The following MYO9B variants were observed in gnomAD, a reference collection of about 807,000 sequenced individuals.
MYO9B encodes the protein unconventional myosin-IXb.
In MYO9B, 71 loss-of-function variants were observed where a neutral mutation model predicts 229.5. That is an observed-to-expected ratio of 0.31 (90% CI 0.26 to 0.38). The LOEUF (loss-of-function observed/expected upper bound fraction) is 0.38. Ranked by LOEUF, MYO9B falls within the 10% of genes least tolerant of loss-of-function variation. MYO9B has a pLI of 1.00. For synonymous variants in MYO9B, 1,185 were observed against 1,235.8 expected (o/e 0.96, Z 0.86); for missense variants, 2,255 against 2,920.5 (o/e 0.77, Z 5.25).
In MYO9B at chr19:17,194,751, G is replaced by T. The variant is rs1206830517; in HGVS notation, c.3324G>T (p.Arg1108Ser). Residue 1108 changes from arginine to serine, a missense_variant, in exon 22 of 40, where the codon AGG becomes AGT. Arg to Ser is a moderately radical substitution (Grantham distance 110). Around this residue, in one of 7 missense-constraint regions of MYO9B, gnomAD observed 679 missense variants for 770.2 expected, o/e 0.88. Coordinates refer to ENST00000682292, the MANE Select transcript of MYO9B (RefSeq NM_004145.4). The part of the protein sequence containing the change: ...ASEPEVQPSD[R>S]SPLEHSSPEK... ...AGCCTGAGGTGCAGCCAAGTGACAG[G>T]TCCCCCCTAGAGCACTCCTCACCTG... 1.9e-6 allele frequency: 3 copies of T among 1,613,012 alleles called. No homozygotes were observed. Among genetic ancestry groups the T allele is most frequent in the Non-Finnish European group, 2.5e-6 (3 of 1,179,878 alleles).
chr19:17,211,629 C>G lies in MYO9B; in HGVS notation c.5931-18C>G. On this transcript the variant is annotated intron_variant, in intron 38 of 39. Transcript: ENST00000682292. ...TCCGGTGGGGTGGCCTTGGACACCA[C>G]TACCCTTTTTCCTCCAGGGAGGACA... 6.3e-7 allele frequency: 1 copy of G among 1,585,722 alleles called. No homozygotes were observed. Among genetic ancestry groups the G allele is most frequent in the Non-Finnish European group, 8.6e-7 (1 of 1,165,864 alleles).
chr19:17,207,823 C>A (rs894356246), intron 35 of MYO9B: 5 of 152,040 alleles, frequency 3.3e-5, no homozygotes, highest in African/African-American at 1.2e-4. Context: ...CGAGCCTGAC[C>A]AACATGGAGA....
In MYO9B at chr19:17,152,874, C is replaced by T. The variant is rs1024380195; in HGVS notation, c.998+168C>T. The T allele has an allele frequency of 4.9e-6, 3 of 608,042 alleles. No individual in the cohort carries two copies. In the Admixed American group the frequency reaches 9.2e-5, roughly 19 times the overall value. 37.7% of individuals were successfully genotyped at this position (608,042 alleles called of 1,614,324 possible). ...CCCATCCATCTTCTCCCCAGACCTG[C>T]CCCTGTGGCCTCACACTTTGTCCTC... On this transcript the variant is annotated intron_variant, in intron 4 of 39. Coordinates refer to ENST00000682292, the MANE Select transcript of MYO9B (RefSeq NM_004145.4).
chr19:17,172,874 G>T lies in MYO9B; in HGVS notation c.2051G>T (p.Arg684Leu). 6.2e-7 allele frequency: 1 copy of T among 1,606,064 alleles called. No homozygotes were observed. The highest frequency in any genetic ancestry group is 8.5e-7 in the Non-Finnish European group (1 of 1,179,762). The change falls in exon 13 of 40, where the codon CGC (arginine) becomes CTC (leucine). Residue 684 changes from arginine to leucine, a missense_variant. Arg to Leu is a moderately radical substitution (Grantham distance 102). This residue lies in a region of MYO9B where 220 missense variants were observed against 404.5 expected (regional missense o/e 0.54). Transcript: ENST00000682292. This position sits in a 1 kb window ranked among gnomAD's most constrained non-coding sequence, Gnocchi z 8.2. ...LIGMDPVAVF[R>L]WAVLRAAIRA... ...GGCATGGACCCCGTGGCCGTGTTCCGCTGGGCCGTGCTCCGGGCTGCTATC... is the reference window on the plus strand; with the variant it reads ...GGCATGGACCCCGTGGCCGTGTTCCTCTGGGCCGTGCTCCGGGCTGCTATC...
At chr19:17,190,088 C>T (rs1448271049) in intron 19 of MYO9B, among the ~76,000 whole-genome samples, 2 of 149,544 alleles carry the variant, frequency 1.3e-5, no homozygotes, top group Non-Finnish European at 3.0e-5. Context: ...AAAAAGATTA[C>T]AGACTGTTGA....
intron 35 of MYO9B, among the ~76,000 whole-genome samples, chr19:17,208,861 A>G (rs908193244): frequency 1.1e-4 from 16 of 151,600 alleles, no homozygotes; most frequent in African/African-American, 3.9e-4. Flanking sequence ...TGACCACTCC[A>G]GACTGAGTCC....
rs989746910 is a variant in MYO9B at position 17,180,999 on chromosome 19, C to G, written c.2292C>G (p.Leu764=). ...AGGGCGAGGACCCCCGTAGCCTTCT[C>G]CAGTCCCTCAGTCGGCTCCAGAAAC... ...PWQGEDPRSL[L]QSLSRLQKPR... is the part of the protein sequence containing the mutation. Residue 764 remains leucine (L), a synonymous_variant, in exon 15 of 40, where the codon CTC becomes CTG. Coordinates refer to ENST00000682292, the MANE Select transcript of MYO9B (RefSeq NM_004145.4). 6.3e-5 allele frequency: 101 copies of G among 1,611,102 alleles called. No homozygotes were observed. Among genetic ancestry groups the G allele is most frequent in the Non-Finnish European group, 8.5e-5 (100 of 1,178,814 alleles).
rs984280592 is a variant in MYO9B at position 17,158,372 on chromosome 19, G to A, written c.1330-1023G>A. ...GGATCGTCTGAGGTCAGGAGTTTGA[G>A]ACCAGTTCGAGAACTTCAGGCCCCA... is the stretch of plus-strand genomic sequence containing the variant. On this transcript the variant is annotated intron_variant, in intron 7 of 39. Coordinates refer to ENST00000682292, the MANE Select transcript of MYO9B (RefSeq NM_004145.4). Among the ~76,000 whole-genome samples, 4 of 152,028 alleles carry A rather than the reference G, an allele frequency of 2.6e-5. No individual in the cohort carries two copies. The South Asian group carries it at 8.3e-4, about 32-fold the overall frequency.
intron 28 of MYO9B, 43 bp downstream of exon 28, chr19:17,202,346 C>G: frequency 6.6e-7 from 1 of 1,510,784 alleles, no homozygotes; most frequent in Non-Finnish European, 8.9e-7. Context: ...ACATGCCACG[C>G]CTACCCATGC....
intron 11 of MYO9B, among the ~76,000 whole-genome samples, chr19:17,170,875 C>T (rs945930976): frequency 1.4e-4 from 21 of 148,832 alleles, no homozygotes; most frequent in African/African-American, 5.2e-4. Context: ...GGAGGAGCTA[C>T]GTCATCACAA....
At chr19:17,128,689 G>T (rs1277817550) in intron 2 of MYO9B, among the ~76,000 whole-genome samples, 1 of 152,244 alleles carries the variant, frequency 6.6e-6, no homozygotes, top group African/African-American at 2.4e-5. Context: ...CCCCAGGTGG[G>T]CGTCACCTAC....
Position 17,152,661 on chromosome 19 carries a change from A to G in MYO9B, c.953A>G (p.Tyr318Cys). 6.2e-7 allele frequency: 1 copy of G among 1,613,356 alleles called. No homozygotes were observed. Among genetic ancestry groups the G allele is most frequent in the Non-Finnish European group, 8.5e-7 (1 of 1,179,612 alleles). Residue 318 changes from tyrosine to cysteine, a missense_variant, in exon 4 of 40, where the codon TAT becomes TGT. Coordinates refer to ENST00000682292, the MANE Select transcript of MYO9B (RefSeq NM_004145.4). The stretch of plus-strand genomic sequence containing the variant: ...AATGACAGAGCTGTCGTCGAGAAAT[A>G]TCTGCTTGAAAAGTCTCGCCTGGTG... ...GIVRGAVVEK[Y>C]LLEKSRLVSQ...
At position 17,206,740 on chromosome 19, in the gene MYO9B, A is replaced by G; in HGVS notation, c.5448A>G (p.Glu1816=). ...ATGCCGTCCTGGAGCACCTTCCAGA[A>G]GCCAACCACAACTCCCTGGAGAGAC... ...AIYAVLEHLP[E]ANHNSLERLI... Residue 1816 remains glutamate (E), a synonymous_variant, in exon 34 of 40, where the codon GAA becomes GAG. Transcript: ENST00000682292. 6.3e-7 allele frequency: 1 copy of G among 1,592,370 alleles called. No individual in the cohort carries two copies. Among genetic ancestry groups the G allele is most frequent in the South Asian group, 1.1e-5 (1 of 87,132 alleles).
intron 2 of MYO9B, among the ~76,000 whole-genome samples, chr19:17,132,178 C>CTTTTTT (rs60927116): frequency 6.0e-4 from 47 of 78,438 alleles, no homozygotes; most frequent in African/African-American, 9.0e-4. Flanking sequence ...TATTTTATTT[C>CTTTTTT]TTTTTTTTTT....
chr19:17,118,309 A>G (rs766540208), intron 2 of MYO9B, among the ~76,000 whole-genome samples: 4 of 151,814 alleles, frequency 2.6e-5, no homozygotes, highest in African/African-American at 9.7e-5. Context: ...AGAAGCCACC[A>G]CCTAGATGGA....
At chr19:17,178,542 C>T (rs965975904) in intron 14 of MYO9B, 1 of 150,134 alleles carries the variant, frequency 6.7e-6, no homozygotes, top group African/African-American at 2.5e-5. Context: ...CTGTCAAAAA[C>T]ATTTGTCATT....
Position 17,172,521 on chromosome 19 carries a change from C to T in MYO9B, c.1935+44C>T. ...CCACTGGTGGAAGCCTGAGGGAAGC[C>T]ACAGTCAGCCCAGAAGCCCATGTGG... On this transcript the variant is annotated intron_variant, in intron 12 of 39. Coordinates refer to ENST00000682292, the MANE Select transcript of MYO9B (RefSeq NM_004145.4). This position sits in a 1 kb window ranked among gnomAD's most constrained non-coding sequence, Gnocchi z 8.2. 6.2e-7 allele frequency: 1 copy of T among 1,606,112 alleles called. No individual in the cohort carries two copies. The highest frequency in any genetic ancestry group is 8.5e-7 in the Non-Finnish European group (1 of 1,176,426).
chr19:17,167,004 C>T (rs2072666743), intron 10 of MYO9B, among the ~76,000 whole-genome samples: 1 of 151,872 alleles, frequency 6.6e-6, no homozygotes, highest in Non-Finnish European at 1.5e-5. Flanking sequence ...TAAATATGTT[C>T]CTACAGTGTG....
At chr19:17,191,715 C>T (rs748916986) in intron 20 of MYO9B, among the ~76,000 whole-genome samples, 11 of 152,146 alleles carry the variant, frequency 7.2e-5, no homozygotes, top group Non-Finnish European at 1.0e-4. Flanking sequence ...GTGGCATGCA[C>T]GCAGAGTCCC....
Sources: allele counts gnomAD v4.1 joint callset (sites outside exome capture counted in the v4.1 genomes callset), GRCh38; gene constraint gnomAD v4.1.1; regional missense constraint gnomAD v4.1.1; non-coding constraint Gnocchi (gnomAD v3.1); transcripts MANE v1.5; gene names NCBI Gene and HGNC (gene_info 2026-07-23, HGNC 2026-07-21).